The following CELSR1 variants were observed in gnomAD, a reference collection of about 807,000 sequenced individuals.
CELSR1 encodes cadherin EGF LAG seven-pass G-type receptor 1, also known as adhesion G protein-coupled receptor C1.
In CELSR1, 110 loss-of-function variants were observed where a neutral mutation model predicts 249.1. The ratio of observed to expected loss-of-function variants is 0.44; its 90% CI spans 0.38 to 0.52. The LOEUF (loss-of-function observed/expected upper bound fraction) is 0.52. Ranked by LOEUF, CELSR1 falls within the 20% of genes least tolerant of loss-of-function variation. The pLI is 0.00. For synonymous variants in CELSR1, 2,113 were observed against 1,900.0 expected (o/e 1.11, Z -2.92); for missense variants, 4,109 against 4,296.4 (o/e 0.96, Z 1.22).
chr22:46,392,465 C>T (rs1249686729), intron 14 of CELSR1, among the ~76,000 whole-genome samples: 1 of 152,140 alleles, frequency 6.6e-6, no homozygotes, highest in Non-Finnish European at 1.5e-5. Context: ...AACGACAGGC[C>T]CAGAAGAGAT....
rs145839406 is a variant in CELSR1, at chr22:46,536,207, T to C, written c.964A>G (p.Arg322Gly). 3.1e-6 allele frequency: 5 copies of C among 1,612,662 alleles called. No homozygotes were observed. The highest frequency in any genetic ancestry group is 1.7e-5 in the Admixed American group (1 of 60,018). ...GTACTGTAGTCCACGGCTTTCACCC[T>C]GAGGACGTGCGTCTCCTTGGTCTCG... Reference protein sequence around the residue: ...DRETKETHVLRVKAVDYSTPP... With the variant: ...DRETKETHVLGVKAVDYSTPP... The change falls in exon 1 of 35, where the codon AGG (arginine) becomes GGG (glycine). Residue 322 changes from arginine (R) to glycine (G), a missense_variant. Around this residue, in one of 7 missense-constraint regions of CELSR1, gnomAD observed 673 missense variants for 636.8 expected, o/e 1.06. Coordinates refer to ENST00000674500, the MANE Select transcript of CELSR1 (RefSeq NM_001378328.1).
Position 46,454,134 on chromosome 22 carries a change from G to T in CELSR1, c.4183+9573C>A, listed in dbSNP as rs2079918084. Reference sequence around the variant, plus strand: ...AGAAGGTGCTAGTGGTGGAAGCAGGGGTCGGAGTGAGGTGAGGAAGGTGCC... The same window carrying T: ...AGAAGGTGCTAGTGGTGGAAGCAGGTGTCGGAGTGAGGTGAGGAAGGTGCC... On this transcript the variant is annotated intron_variant, in intron 2 of 34. Coordinates refer to ENST00000674500, the MANE Select transcript of CELSR1 (RefSeq NM_001378328.1). This position sits in a 1 kb window ranked among gnomAD's most constrained non-coding sequence, Gnocchi z 5.1. 6.6e-6 allele frequency among the ~76,000 whole-genome samples: 1 copy of T among 152,096 alleles called. No homozygotes were observed. The highest frequency in any genetic ancestry group is 2.4e-5 in the African/African-American group (1 of 41,408).
chr22:46,486,413 TG>T (rs1209412421), intron 1 of CELSR1, among the ~76,000 whole-genome samples: 1 of 150,714 alleles, frequency 6.6e-6, no homozygotes, highest in Non-Finnish European at 1.5e-5. Flanking sequence ...CTGGGCGTGG[TG>T]GTGGGCGCCT....
intron 5 of CELSR1, among the ~76,000 whole-genome samples, chr22:46,431,664 C>T (rs2079597118): frequency 1.3e-5 from 2 of 152,192 alleles, no homozygotes; most frequent in Non-Finnish European, 2.9e-5. Context: ...GTAGGCAGCG[C>T]CAGGCAGCAG....
Position 46,381,773 on chromosome 22 carries a change from G to C in CELSR1, c.7088+73C>G. The C allele has an allele frequency of 7.4e-7, 1 of 1,352,652 alleles. No homozygotes were observed. Among genetic ancestry groups the C allele is most frequent in the Non-Finnish European group, 1.0e-6 (1 of 993,538 alleles). The allele number at this position is 1,352,652 out of a possible 1,614,324, so 83.8% of individuals were successfully genotyped here. On this transcript the variant is annotated intron_variant, in intron 21 of 34. Transcript: ENST00000674500. The surrounding 1 kb of genome is among the most constrained non-coding windows in gnomAD (Gnocchi z 6.0). ...GAAGACCTGTGCTTGATCAGGATCA[G>C]GATTTTGACCTGTGGAAGCCTCAGG...
intron 2 of CELSR1, among the ~76,000 whole-genome samples, chr22:46,456,845 C>G (rs1345512043): frequency 1.4e-5 from 2 of 146,782 alleles, no homozygotes; most frequent in Admixed American, 7.1e-5. Flanking sequence ...CACAGATTGT[C>G]CTTGGCCCCA....
rs985102139 is a variant in CELSR1, at chr22:46,526,441, G to T, written c.3544+7186C>A. Among the ~76,000 whole-genome samples, 3 of 152,088 alleles carry T rather than the reference G, an allele frequency of 2.0e-5. No homozygotes were observed. The highest frequency in any genetic ancestry group is 4.4e-5 in the Non-Finnish European group (3 of 68,026). On this transcript the variant is annotated intron_variant, in intron 1 of 34. Coordinates refer to ENST00000674500, the MANE Select transcript of CELSR1 (RefSeq NM_001378328.1). This position sits in a 1 kb window ranked among gnomAD's most constrained non-coding sequence, Gnocchi z 4.7. ...CATGACACCCTGCCTTCCCTCTGAG[G>T]CTGGGTCCTGTTCCCATCCCACTCA... is the stretch of plus-strand genomic sequence containing the variant.
In CELSR1 at chr22:46,526,429, C is replaced by T. The variant is rs764776030; in HGVS notation, c.3544+7198G>A. Among the ~76,000 whole-genome samples the T allele has an allele frequency of 2.0e-5, 3 of 152,162 alleles. No individual in the cohort carries two copies. The highest frequency in any genetic ancestry group is 4.4e-5 in the Non-Finnish European group (3 of 68,022). On this transcript the variant is annotated intron_variant, in intron 1 of 34. Coordinates refer to ENST00000674500, the MANE Select transcript of CELSR1 (RefSeq NM_001378328.1). This position sits in a 1 kb window ranked among gnomAD's most constrained non-coding sequence, Gnocchi z 4.7. ...CAGGCCTGTCCCCATGACACCCTGC[C>T]TTCCCTCTGAGGCTGGGTCCTGTTC...
Position 46,395,042 on chromosome 22 carries a change from G to A in CELSR1, c.5844-780C>T, listed in dbSNP as rs1359198498. On this transcript the variant is annotated intron_variant, in intron 13 of 34. Transcript: ENST00000674500. The surrounding 1 kb of genome is among the most constrained non-coding windows in gnomAD (Gnocchi z 5.5). ...CCTGCAATCCCCCCTGGCTAACCAA[G>A]TTCCCTCCACCCAGCTGCCAGCCTC... is the stretch of plus-strand genomic sequence containing the variant. Among the ~76,000 whole-genome samples the A allele has an allele frequency of 6.6e-6, 1 of 152,180 alleles. No individual in the cohort carries two copies. Among genetic ancestry groups the A allele is most frequent in the Non-Finnish European group, 1.5e-5 (1 of 68,032 alleles).
rs1471417563 is a variant in CELSR1, at chr22:46,374,415, G to A, written c.7585-1358C>T. On this transcript the variant is annotated intron_variant, in intron 24 of 34. Coordinates refer to ENST00000674500, the MANE Select transcript of CELSR1 (RefSeq NM_001378328.1). The surrounding 1 kb of genome is among the most constrained non-coding windows in gnomAD (Gnocchi z 4.3). The stretch of plus-strand genomic sequence containing the variant: ...CCAGAAATAGAACAAAGACAAAAGC[G>A]GATGCATAATAAATCATTTCAGCCT... 6.6e-6 allele frequency among the ~76,000 whole-genome samples: 1 copy of A among 152,308 alleles called. No homozygotes were observed. The highest frequency in any genetic ancestry group is 2.1e-4 in the South Asian group (1 of 4,826).
rs9616019 is a variant in CELSR1, at chr22:46,490,139, C to A, written c.3545-25794G>T. On this transcript the variant is annotated intron_variant, in intron 1 of 34. Coordinates refer to ENST00000674500, the MANE Select transcript of CELSR1 (RefSeq NM_001378328.1). This position sits in a 1 kb window ranked among gnomAD's most constrained non-coding sequence, Gnocchi z 5.2. ...AAAGTGTACACATGTCGACATGGCACTTCTACCTGGAGTGCATGGGTCCTG... is the reference window on the plus strand; with the variant it reads ...AAAGTGTACACATGTCGACATGGCAATTCTACCTGGAGTGCATGGGTCCTG... Among the ~76,000 whole-genome samples, 48,886 of 151,962 alleles carry A rather than the reference C, an allele frequency of 0.32. 9,671 individuals are homozygous for A. The highest frequency in any genetic ancestry group is 0.56 in the East Asian group (2,857 of 5,144).
At chr22:46,403,093 G>A (rs558365305) in intron 9 of CELSR1, among the ~76,000 whole-genome samples, 2 of 152,250 alleles carry the variant, frequency 1.3e-5, no homozygotes, top group African/African-American at 4.8e-5. Context: ...TTGCTGGGAA[G>A]ATAAATCAGC....
In CELSR1 at chr22:46,389,540, C is replaced by T. The variant is rs747962595; in HGVS notation, c.6346-41G>A. On this transcript the variant is annotated intron_variant, in intron 17 of 34. Coordinates refer to ENST00000674500, the MANE Select transcript of CELSR1 (RefSeq NM_001378328.1). ...AGTCGTGATGTGTGCAAACCCACTT[C>T]GGCCGCTTTCAGTCCCTGCTGTTAC... The T allele has an allele frequency of 1.7e-5, 27 of 1,597,648 alleles. No individual in the cohort carries two copies. In the South Asian group the frequency reaches 1.9e-4, roughly 11 times the overall value.
rs200377738 is a variant in CELSR1, at chr22:46,397,870, G to T, written c.5527-22C>A. 241 of 1,505,476 alleles carry T rather than the reference G, an allele frequency of 1.6e-4. 1 individual carries two copies. The African/African-American group carries it at 2.7e-3, about 17-fold the overall frequency. 93.3% of individuals were successfully genotyped at this position (1,505,476 alleles called of 1,614,324 possible). On this transcript the variant is annotated intron_variant, in intron 11 of 34. Transcript: ENST00000674500. ...CTCCCTGCATTAAGTAAACGGCACTGGGGCTACAGGAGCCCGGAAAGGTAT... is the reference window on the plus strand; with the variant it reads ...CTCCCTGCATTAAGTAAACGGCACTTGGGCTACAGGAGCCCGGAAAGGTAT...
chr22:46,424,472 T>G (rs1222803352), intron 5 of CELSR1, among the ~76,000 whole-genome samples: 2 of 152,158 alleles, frequency 1.3e-5, no homozygotes, highest in Non-Finnish European at 2.9e-5. Context: ...CATGTACCCC[T>G]TACAGTTTCC....
intron 1 of CELSR1, among the ~76,000 whole-genome samples, chr22:46,475,619 G>A (rs959241621): frequency 3.5e-5 from 5 of 144,466 alleles, no homozygotes; most frequent in African/African-American, 1.3e-4. Flanking sequence ...AAGATGGTTC[G>A]TTTTATAAAG....
chr22:46,531,764 T>A (rs764245651), intron 1 of CELSR1, among the ~76,000 whole-genome samples: 1 of 152,040 alleles, frequency 6.6e-6, no homozygotes, highest in Non-Finnish European at 1.5e-5. Context: ...GGGAAACACA[T>A]GAGAGCGCAA....
In CELSR1 at chr22:46,464,030, T is replaced by C. The variant is rs1194577486; in HGVS notation, c.3860A>G (p.Asn1287Ser). Reference sequence around the variant, plus strand: ...GGAGATGGTGGTCAGCAGCGTCCGATTCAGGTAGATCTGCTCCTGCAGGTC... The same window carrying C: ...GGAGATGGTGGTCAGCAGCGTCCGACTCAGGTAGATCTGCTCCTGCAGGTC... ...SEDLQEQIYL[N>S]RTLLTTISTQ... The change falls in exon 2 of 35, where the codon AAT becomes AGT. Residue 1287 changes from asparagine (N) to serine (S), a missense_variant. By Grantham distance (46) the Asn-to-Ser change is conservative (BLOSUM62 1). Coordinates refer to ENST00000674500, the MANE Select transcript of CELSR1 (RefSeq NM_001378328.1). This position sits in a 1 kb window ranked among gnomAD's most constrained non-coding sequence, Gnocchi z 8.5. 1.2e-6 allele frequency: 2 copies of C among 1,613,658 alleles called. No homozygotes were observed. The highest frequency in any genetic ancestry group is 1.7e-6 in the Non-Finnish European group (2 of 1,180,034).
At chr22:46,455,741 G>A (rs2079941329) in intron 2 of CELSR1, among the ~76,000 whole-genome samples, 1 of 152,204 alleles carries the variant, frequency 6.6e-6, no homozygotes, top group Admixed American at 6.6e-5. Flanking sequence ...GGCTGTGCCT[G>A]CACACGCCGC....
Sources: gnomAD v4.1 joint callset for allele counts (sites outside exome capture counted in the v4.1 genomes callset) on GRCh38, gnomAD v4.1.1 for gene constraint, gnomAD v4.1.1 regional missense constraint, Gnocchi (gnomAD v3.1) non-coding constraint, MANE v1.5 for transcripts, NCBI Gene and HGNC (gene_info 2026-07-23, HGNC 2026-07-21) for gene names.